SCAI: variants seen among roughly 807,000 people sequenced by gnomAD.
The protein encoded by SCAI is suppressor of cancer cell invasion, also known as protein SCAI.
Under a neutral mutation model 92.2 loss-of-function variants are expected in SCAI, and 24 were observed. The observed-to-expected ratio is 0.26, with a 90% CI of 0.19 to 0.37. The LOEUF is 0.37. SCAI is among the 10% of genes least tolerant of loss of function. The probability of loss-of-function intolerance (pLI) is 1.00; values close to 1 mark genes in which losing one functional copy is unlikely to be tolerated. For synonymous variants in SCAI, 261 were observed against 258.6 expected (o/e 1.01, Z -0.09); for missense variants, 450 against 736.2 (o/e 0.61, Z 4.50).
At chr9:125,046,997 C>T (rs1336636827) in intron 3 of SCAI, among the ~76,000 whole-genome samples, 1 of 151,862 alleles carries the variant, frequency 6.6e-6, no homozygotes, top group Admixed American at 6.6e-5. Flanking sequence ...ATTCAGATAC[C>T]TTCCCAACAC....
At chr9:124,963,151 C>T (rs905324006) in intron 17 of SCAI, among the ~76,000 whole-genome samples, 1 of 147,218 alleles carries the variant, frequency 6.8e-6, no homozygotes, top group African/African-American at 2.5e-5. Context: ...TTTTTTCCCC[C>T]CCGAGACGGA....
intron 17 of SCAI, among the ~76,000 whole-genome samples, chr9:124,966,281 T>A (rs1831540198): frequency 7.1e-6 from 1 of 140,178 alleles, no homozygotes; most frequent in Non-Finnish European, 1.5e-5. Flanking sequence ...CCTGTGTCCA[T>A]GTGCTCTCAT....
intron 17 of SCAI, among the ~76,000 whole-genome samples, chr9:124,961,887 T>G (rs1329352353): frequency 6.6e-6 from 1 of 151,734 alleles, no homozygotes; most frequent in African/African-American, 2.4e-5. Flanking sequence ...TTTTTTTTTT[T>G]TTTTTCCAGA....
intron 2 of SCAI, chr9:125,065,842 C>A: frequency 1.8e-6 from 1 of 550,260 alleles, no homozygotes; most frequent in South Asian, 2.5e-5. Context: ...ACTACAATTG[C>A]TCAACAGATG....
intron 2 of SCAI, among the ~76,000 whole-genome samples, chr9:125,058,569 A>G (rs1833715826): frequency 6.6e-6 from 1 of 152,224 alleles, no homozygotes; most frequent in South Asian, 2.1e-4. Flanking sequence ...AGACATGGAC[A>G]TACATGCATG....
chr9:125,067,552 T>C (rs1011406149), intron 2 of SCAI, among the ~76,000 whole-genome samples: 6 of 152,202 alleles, frequency 3.9e-5, no homozygotes, highest in Non-Finnish European at 7.3e-5. Flanking sequence ...GAGAGAGACC[T>C]GGAACAGATT....
rs1048051106 is a variant in SCAI at position 124,950,253 on chromosome 9, A to G, written c.*2554T>C. On this transcript the variant is annotated 3_prime_UTR_variant, in exon 18 of 18. Coordinates refer to ENST00000336505, the MANE Select transcript of SCAI (RefSeq NM_001144877.3). ...GGGGAAATCAATATTTTTGGAACCA[A>G]GAGTCCAAATTACAGAATCAGAGTT... is the stretch of plus-strand genomic sequence containing the variant. 2 of 152,090 alleles carry G rather than the reference A, an allele frequency of 1.3e-5. No individual in the cohort carries two copies. The highest frequency in any genetic ancestry group is 4.8e-5 in the African/African-American group (2 of 41,420). 9.4% of individuals were successfully genotyped at this position (152,090 alleles called of 1,614,324 possible).
chr9:125,034,997 A>G (rs1401841168), intron 3 of SCAI, among the ~76,000 whole-genome samples: 4 of 152,214 alleles, frequency 2.6e-5, no homozygotes, highest in Non-Finnish European at 5.9e-5. Flanking sequence ...ATAGCATGGT[A>G]AATACAGTTT....
chr9:125,125,788 G>A (rs1362777147), intron 2 of SCAI, among the ~76,000 whole-genome samples: 1 of 145,804 alleles, frequency 6.9e-6, no homozygotes, highest in Non-Finnish European at 1.5e-5. Context: ...CCAAGATCAC[G>A]CCACTACACT....
At chr9:124,954,025 T>G (rs1265530880) in intron 17 of SCAI, among the ~76,000 whole-genome samples, 1 of 152,156 alleles carries the variant, frequency 6.6e-6, no homozygotes, top group Non-Finnish European at 1.5e-5. Context: ...ATTTTGGTAT[T>G]TTTTGTAGAG....
intron 11 of SCAI, 77 bp from the exon 12 acceptor site, chr9:125,002,120 T>A: frequency 2.0e-6 from 2 of 1,009,330 alleles, no homozygotes; most frequent in Non-Finnish European, 3.1e-6. Context: ...GTTCATGACA[T>A]CTTAAAGTTG....
At chr9:125,002,486 C>CTTTTTTTTTTTTT (rs1564373440) in intron 11 of SCAI, among the ~76,000 whole-genome samples, 1 of 62,800 alleles carries the variant, frequency 1.6e-5, no homozygotes, top group African/African-American at 6.5e-5. Context: ...GTTTTTTAGT[C>CTTTTTTTTTTTTT]TGTTTTTTTT....
chr9:125,044,755 A>G (rs1833400870), intron 3 of SCAI, among the ~76,000 whole-genome samples: 1 of 152,214 alleles, frequency 6.6e-6, no homozygotes, highest in Non-Finnish European at 1.5e-5. Flanking sequence ...TTGGGAGTTC[A>G]GACCTATGGG....
At chr9:124,987,330 T>TTTA (rs1832016343) in intron 14 of SCAI, among the ~76,000 whole-genome samples, 1 of 151,608 alleles carries the variant, frequency 6.6e-6, no homozygotes, top group Non-Finnish European at 1.5e-5. Context: ...ATGGCTTTTT[T>TTTA]TTATTATTAT....
intron 14 of SCAI, among the ~76,000 whole-genome samples, chr9:124,980,717 A>T (rs1205633164): frequency 6.6e-6 from 1 of 152,124 alleles, no homozygotes; most frequent in Non-Finnish European, 1.5e-5. Flanking sequence ...GGGCCCCTGG[A>T]AGTTTGTACT....
intron 2 of SCAI, among the ~76,000 whole-genome samples, chr9:125,082,780 C>A (rs1054843670): frequency 1.3e-5 from 2 of 152,210 alleles, no homozygotes; most frequent in African/African-American, 4.8e-5. Context: ...TTTGTTTTGG[C>A]CAATTTCTCC....
At chr9:125,039,682 T>C (rs1430807218) in intron 3 of SCAI, among the ~76,000 whole-genome samples, 1 of 152,220 alleles carries the variant, frequency 6.6e-6, no homozygotes, top group African/African-American at 2.4e-5. Flanking sequence ...GTGGCCTCTC[T>C]CAAATGTCCA....
intron 9 of SCAI, among the ~76,000 whole-genome samples, chr9:125,009,509 G>T (rs972716827): frequency 1.3e-5 from 2 of 151,914 alleles, no homozygotes; most frequent in Non-Finnish European, 2.9e-5. Context: ...ACCCTCAGGC[G>T]ATCTGCCCCA....
chr9:124,974,401 TCA>T, intron 15 of SCAI: 1 of 252,620 alleles, frequency 4.0e-6, no homozygotes, highest in Non-Finnish European at 7.8e-6. Flanking sequence ...TGAGCTATGA[TCA>T]CACAACTGTA....
Sources: gnomAD v4.1 joint callset for allele counts (sites outside exome capture counted in the v4.1 genomes callset) on GRCh38, gnomAD v4.1.1 for gene constraint, MANE v1.5 for transcripts, NCBI Gene and HGNC (gene_info 2026-07-23, HGNC 2026-07-21) for gene names.